The following FN1 variants were observed in gnomAD, a reference collection of about 807,000 sequenced individuals.
The protein encoded by FN1 is fibronectin.
In FN1, 106 loss-of-function variants were observed where a neutral mutation model predicts 297.3. The ratio of observed to expected loss-of-function variants is 0.36; its 90% CI spans 0.30 to 0.42. FN1 has a LOEUF of 0.42. FN1 is among the 10% of genes least tolerant of loss of function. The pLI is 1.00. For synonymous variants in FN1, 1,149 were observed against 1,152.6 expected (o/e 1.00, Z 0.06); for missense variants, 2,690 against 3,124.9 (o/e 0.86, Z 3.32).
chr2:215,365,653 G>A, intron 42 of FN1, 23 bp from the exon 43 acceptor site: 1 of 1,613,242 alleles, frequency 6.2e-7, no homozygotes, highest in Non-Finnish European at 8.5e-7. Context: ...GGAAAGTCAG[G>A]ACCAAAAAGT....
chr2:215,365,800 C>CT, intron 42 of FN1, 170 bp from the exon 43 acceptor site: 1 of 332,702 alleles, frequency 3.0e-6, no homozygotes, highest in East Asian at 5.5e-5. Flanking sequence ...TATTTATTTA[C>CT]TTTTTATTTT....
At chr2:215,391,885 G>C (rs1483199787) in intron 25 of FN1, 71 bp from the exon 26 acceptor site, 3 of 1,340,306 alleles carry the variant, frequency 2.2e-6, no homozygotes, top group African/African-American at 1.4e-5. Context: ...TAGCTGGAAA[G>C]GTAAAATCAA....
Position 215,372,210 on chromosome 2 carries a change from C to T in FN1, c.6413G>A (p.Gly2138Glu). The change falls in exon 40 of 46, where the codon GGG (glycine) becomes GAG (glutamate). Residue 2138 changes from glycine to glutamate, a missense_variant. Physicochemically the swap from Gly to Glu is moderately conservative, Grantham distance 98. This residue lies in a region of FN1 where 1,743 missense variants were observed against 1,945.2 expected (regional missense o/e 0.90). Coordinates refer to ENST00000354785, the MANE Select transcript of FN1 (RefSeq NM_212482.4). ...ATGTTCCTCAAAGATCATTTGTTGC[C>T]CAACACTGGGTTGCTGACCAGAAGT... ...PGTSGQQPSV[G>E]QQMIFEEHGF... The T allele has an allele frequency of 6.2e-7, 1 of 1,614,166 alleles. No homozygotes were observed. The highest frequency in any genetic ancestry group is 8.5e-7 in the Non-Finnish European group (1 of 1,180,038).
At chr2:215,363,970 G>A (rs1332744202) in intron 44 of FN1, among the ~76,000 whole-genome samples, 1 of 152,120 alleles carries the variant, frequency 6.6e-6, no homozygotes, top group Non-Finnish European at 1.5e-5. Flanking sequence ...GCCCACCTGG[G>A]CCAGCTCCTT....
chr2:215,423,656 A>T (rs905969367), intron 8 of FN1, 130 bp from the exon 9 acceptor site: 3 of 831,692 alleles, frequency 3.6e-6, no homozygotes, highest in Non-Finnish European at 6.0e-6. Context: ...AGAATAAAAA[A>T]TGTCTGATAA....
In FN1 at chr2:215,409,664, G is replaced by C. The variant is rs1239102270; in HGVS notation, c.2198C>G (p.Ala733Gly). The C allele has an allele frequency of 6.2e-7, 1 of 1,613,904 alleles. No homozygotes were observed. Among genetic ancestry groups the C allele is most frequent in the African/African-American group, 1.3e-5 (1 of 74,898 alleles). Residue 733 changes from alanine to glycine, a missense_variant, in exon 15 of 46, where the codon GCC becomes GGC. By Grantham distance (60) the Ala-to-Gly change is moderately conservative. This residue lies in a region of FN1 where 876 missense variants were observed against 1,058.1 expected (regional missense o/e 0.83). Transcript: ENST00000354785. ...ATSESVTEIT[A>G]SSFVVSWVSA... ...GACCCAGGAGACCACAAAGCTACTGGCTGTGATTTCGGTCACAGATTCAGA... is the reference window on the plus strand; with the variant it reads ...GACCCAGGAGACCACAAAGCTACTGCCTGTGATTTCGGTCACAGATTCAGA...
intron 13 of FN1, 113 bp downstream of exon 13, chr2:215,414,724 C>G (rs1398254717): frequency 6.5e-7 from 1 of 1,531,734 alleles, no homozygotes; most frequent in East Asian, 2.4e-5. Context: ...ATAGTAAATG[C>G]TATAGGAATA....
At chr2:215,398,848 T>C (rs778582591) in intron 21 of FN1, among the ~76,000 whole-genome samples, 1 of 152,184 alleles carries the variant, frequency 6.6e-6, no homozygotes, top group Admixed American at 6.5e-5. Flanking sequence ...TGGATGAAAA[T>C]GCGATTTTTA....
rs967817616 is a variant in FN1 at position 215,422,249 on chromosome 2, T to A, written c.1394-6A>T. On this transcript the variant is annotated splice_polypyrimidine_tract_variant and splice_region_variant and intron_variant, in intron 9 of 45. Transcript: ENST00000354785. ...TGTGCAGATTTCCTCGTGGGCTGTTTGGAAATGGATAAGAAATGCACTTGA... is the reference window on the plus strand; with the variant it reads ...TGTGCAGATTTCCTCGTGGGCTGTTAGGAAATGGATAAGAAATGCACTTGA... 1 of 1,613,580 alleles carries A rather than the reference T, an allele frequency of 6.2e-7. No homozygotes were observed. The highest frequency in any genetic ancestry group is 1.3e-5 in the African/African-American group (1 of 74,890).
intron 38 of FN1, 62 bp downstream of exon 38, chr2:215,375,152 G>T: frequency 6.7e-7 from 1 of 1,495,858 alleles, no homozygotes; most frequent in Non-Finnish European, 9.3e-7. Flanking sequence ...GTGGGAGTTT[G>T]CTAAGGACTT....
At position 215,397,870 on chromosome 2, in the gene FN1, A is replaced by G. The variant is rs899519888; in HGVS notation, c.3349-22T>C. The G allele has an allele frequency of 5.6e-6, 9 of 1,611,836 alleles. No homozygotes were observed. In the Admixed American group the frequency reaches 1.2e-4, roughly 21 times the overall value. ...CCAGCTAGAGGAAGGAATGCAAAGT[A>G]AACACCAAGGACAAATATTTCCAGA... On this transcript the variant is annotated intron_variant, in intron 21 of 45. Transcript: ENST00000354785.
chr2:215,426,944 C>T (rs1014277296), intron 6 of FN1, among the ~76,000 whole-genome samples: 5 of 151,872 alleles, frequency 3.3e-5, no homozygotes, highest in South Asian at 2.1e-4. Flanking sequence ...GGTGCGATCT[C>T]GGGTCACTGC....
intron 1 of FN1, 140 bp downstream of exon 1, chr2:215,435,507 GGTCCTTTT>G: frequency 1.7e-6 from 2 of 1,162,330 alleles, no homozygotes; most frequent in Admixed American, 2.0e-5. Context: ...CTCAAAACTC[GGTCCTTTT>G]GTGTGCACAG....
At chr2:215,370,913 C>A (rs1355234731) in intron 40 of FN1, among the ~76,000 whole-genome samples, 13 of 152,170 alleles carry the variant, frequency 8.5e-5, no homozygotes, top group Non-Finnish European at 1.9e-4. Flanking sequence ...AAATTTCCTA[C>A]AGTGTTGTCA....
In FN1 at chr2:215,435,962, G is replaced by A. The variant is rs1454669117; in HGVS notation, c.-160C>T. On this transcript the variant is annotated 5_prime_UTR_variant, in exon 1 of 46. Transcript: ENST00000354785. ...GGGTGGGGAAGGGGACGGGTGGAGG[G>A]ACAGAAGGGATGCAGAGGACCAGAG... The A allele has an allele frequency of 1.5e-5, 21 of 1,408,726 alleles. No homozygotes were observed. The Admixed American group carries it at 5.0e-4, about 34-fold the overall frequency. 87.3% of individuals were successfully genotyped at this position (1,408,726 alleles called of 1,614,324 possible). A position where few individuals can be genotyped will look rare whatever the true frequency, so the allele number is the denominator to read the frequency against.
Position 215,403,166 on chromosome 2 carries a change from C to T in FN1, c.3253+1223G>A, listed in dbSNP as rs374547072. 1.2e-4 allele frequency among the ~76,000 whole-genome samples: 19 copies of T among 152,024 alleles called. No individual in the cohort carries two copies. In the East Asian group the frequency reaches 3.5e-3, roughly 28 times the overall value. On this transcript the variant is annotated intron_variant, in intron 20 of 45. Coordinates refer to ENST00000354785, the MANE Select transcript of FN1 (RefSeq NM_212482.4). The stretch of plus-strand genomic sequence containing the variant: ...AGTAGATCTTAGACTATCTTAGAAC[C>T]GTGTAAAATTTTAGCCAAATTTTCA...
chr2:215,401,234 G>GA (rs1461466310), intron 20 of FN1, among the ~76,000 whole-genome samples: 1 of 56,046 alleles, frequency 1.8e-5, no homozygotes, highest in African/African-American at 8.7e-5. Flanking sequence ...AAGAAAGAAA[G>GA]AAAGAAAGAA....
chr2:215,412,153 T>A (rs2106325275), intron 13 of FN1, among the ~76,000 whole-genome samples: 1 of 151,988 alleles, frequency 6.6e-6, no homozygotes. Flanking sequence ...ATGGCCAGAT[T>A]ATGGACATAG....
chr2:215,368,124 T>C (rs2055031429), intron 41 of FN1, 97 bp from the exon 42 acceptor site: 1 of 1,274,280 alleles, frequency 7.8e-7, no homozygotes, highest in Non-Finnish European at 1.1e-6. Flanking sequence ...TGACTTAATC[T>C]AAAACAAGAA....
Sources: gnomAD v4.1 joint callset for allele counts (sites outside exome capture counted in the v4.1 genomes callset) on GRCh38, gnomAD v4.1.1 for gene constraint, gnomAD v4.1.1 regional missense constraint, MANE v1.5 for transcripts, NCBI Gene and HGNC (gene_info 2026-07-23, HGNC 2026-07-21) for gene names.